PLXDC2: variants seen among roughly 807,000 people sequenced by gnomAD.
PLXDC2 encodes plexin domain containing 2.
PLXDC2 carries 40 observed loss-of-function variants against 68.9 expected under a neutral mutation model. The observed-to-expected ratio is 0.58, with a 90% CI of 0.45 to 0.76. The LOEUF is 0.76. Among genes scored for constraint, PLXDC2 ranks in the 30% least tolerant of loss-of-function variants. The pLI is 0.00. For synonymous variants in PLXDC2, 243 were observed against 234.2 expected (o/e 1.04, Z -0.34); for missense variants, 644 against 661.9 (o/e 0.97, Z 0.30).
At position 20,245,443 on chromosome 10, in the gene PLXDC2, A is replaced by G. The variant is rs993253269; in HGVS notation, c.1411A>G (p.Ile471Val). ...LILVLIVATA[I>V]LVTVYMYHHP... ...CCTGGTCCTCATTGTAGCCACAGCC[A>G]TTCTTGTGACAGTCTATATGTATCA... is the stretch of plus-strand genomic sequence containing the variant. Residue 471 changes from isoleucine to valine, a missense_variant, in exon 13 of 14, where the codon ATT becomes GTT. Around this residue, in one of 3 missense-constraint regions of PLXDC2, gnomAD observed 330 missense variants for 327.9 expected, o/e 1.01. Coordinates refer to ENST00000377252, the MANE Select transcript of PLXDC2 (RefSeq NM_032812.9). 2.5e-6 allele frequency: 4 copies of G among 1,613,702 alleles called. No homozygotes were observed. The highest frequency in any genetic ancestry group is 3.3e-5 in the Admixed American group (2 of 60,026).
intron 4 of PLXDC2, among the ~76,000 whole-genome samples, chr10:20,111,630 G>T (rs572047203): frequency 6.6e-6 from 1 of 152,304 alleles, no homozygotes; most frequent in South Asian, 2.1e-4. Context: ...TTGCAGGAAA[G>T]ACATGTTTAC....
intron 3 of PLXDC2, among the ~76,000 whole-genome samples, chr10:20,063,857 G>A (rs2131701969): frequency 6.6e-6 from 1 of 152,242 alleles, no homozygotes; most frequent in East Asian, 1.9e-4. Context: ...CTTTGACCAA[G>A]TCTTCAAAAA....
intron 4 of PLXDC2, among the ~76,000 whole-genome samples, chr10:20,095,788 G>A (rs1404763980): frequency 2.0e-5 from 3 of 152,102 alleles, no homozygotes; most frequent in Non-Finnish European, 4.4e-5. Context: ...AGTTTGGAGT[G>A]GATTGGAGAA....
rs573215014 is a variant in PLXDC2, at chr10:20,132,070, CT to C, written c.542-11221del. ...TGCATTTTTGTTTGTCTCAAGATAT[CT>C]TTTAAGATCACTATTGATTTCTTCT... On this transcript the variant is annotated intron_variant, in intron 4 of 13. Transcript: ENST00000377252. Among the ~76,000 whole-genome samples, 29 of 152,242 alleles carry C rather than the reference CT, an allele frequency of 1.9e-4. 1 individual carries two copies. In the East Asian group the frequency reaches 5.6e-3, roughly 29 times the overall value.
chr10:19,945,097 T>C (rs1363888628), intron 1 of PLXDC2, among the ~76,000 whole-genome samples: 4 of 152,280 alleles, frequency 2.6e-5, no homozygotes, highest in African/African-American at 9.6e-5. Flanking sequence ...ACAGTCTGTT[T>C]AAACATCCAG....
intron 1 of PLXDC2, among the ~76,000 whole-genome samples, chr10:19,933,802 G>A (rs1246322396): frequency 1.4e-5 from 2 of 143,946 alleles, no homozygotes; most frequent in Non-Finnish European, 3.0e-5. Flanking sequence ...GGGAGGGCAG[G>A]AGGGAGGGAA....
intron 9 of PLXDC2, among the ~76,000 whole-genome samples, chr10:20,208,593 A>C (rs562518033): frequency 8.8e-4 from 134 of 152,278 alleles, no homozygotes; most frequent in Admixed American, 1.7e-3. Flanking sequence ...GACTGGCAAA[A>C]GTAGTTTGAA....
intron 1 of PLXDC2, among the ~76,000 whole-genome samples, chr10:19,921,329 CAATT>C (rs1323357459): frequency 2.0e-5 from 3 of 152,102 alleles, no homozygotes; most frequent in African/African-American, 7.2e-5. Flanking sequence ...CAATAAGAGA[CAATT>C]AATCAAAAGC....
At chr10:19,841,564 G>T (rs1279770842) in intron 1 of PLXDC2, among the ~76,000 whole-genome samples, 6 of 127,958 alleles carry the variant, frequency 4.7e-5, no homozygotes, top group Admixed American at 8.1e-5. Flanking sequence ...TTTAAGTGTT[G>T]CCTATCTGTC....
chr10:19,822,922 C>CT (rs527402042), intron 1 of PLXDC2, among the ~76,000 whole-genome samples: 4,378 of 148,094 alleles, frequency 0.03, 89 homozygotes, highest in Middle Eastern at 0.063. Context: ...TGTTTACTTA[C>CT]TTTTTTTTTT....
At chr10:20,148,455 C>G (rs1435639929) in intron 6 of PLXDC2, among the ~76,000 whole-genome samples, 1 of 152,000 alleles carries the variant, frequency 6.6e-6, no homozygotes, top group Non-Finnish European at 1.5e-5. Flanking sequence ...ACAGAAAAAA[C>G]AAGGAAATTT....
intron 13 of PLXDC2, among the ~76,000 whole-genome samples, chr10:20,250,326 G>C (rs1294132650): frequency 1.3e-5 from 2 of 150,122 alleles, no homozygotes; most frequent in African/African-American, 2.5e-5. Flanking sequence ...ATATATCAGA[G>C]CTCATGCACC....
intron 1 of PLXDC2, among the ~76,000 whole-genome samples, chr10:19,899,072 A>G (rs1332286218): frequency 1.3e-5 from 2 of 152,208 alleles, no homozygotes; most frequent in African/African-American, 4.8e-5. Context: ...TGTAGAATTC[A>G]CTCAGGATTT....
chr10:20,229,747 T>G (rs976687322), intron 12 of PLXDC2, among the ~76,000 whole-genome samples: 1 of 152,216 alleles, frequency 6.6e-6, no homozygotes, highest in African/African-American at 2.4e-5. Flanking sequence ...TGTGCAAGAT[T>G]TTTAATGTAA....
rs926394398 is a variant in PLXDC2 at position 20,282,924 on chromosome 10, C to G, written c.*3105C>G. ...GTCCAATATTATATCCACTAGCCAA[C>G]GTGGCTTTTGAAATTAAAATTAATT... On this transcript the variant is annotated 3_prime_UTR_variant, in exon 14 of 14. Transcript: ENST00000377252. 3.3e-5 allele frequency: 5 copies of G among 152,146 alleles called. No individual in the cohort carries two copies. Among genetic ancestry groups the G allele is most frequent in the Admixed American group, 2.6e-4 (4 of 15,270 alleles). 9.4% of individuals were successfully genotyped at this position (152,146 alleles called of 1,614,324 possible).
At position 20,015,696 on chromosome 10, in the gene PLXDC2, C is replaced by G. The variant is rs2358657; in HGVS notation, c.324+13710C>G. On this transcript the variant is annotated intron_variant, in intron 2 of 13. Coordinates refer to ENST00000377252, the MANE Select transcript of PLXDC2 (RefSeq NM_032812.9). ...GACCAAGTATAATCGATTAAAAAAA[C>G]ACAGAGATCAGAAATTATGAAAAGA... Among the ~76,000 whole-genome samples, 3 of 151,870 alleles carry G rather than the reference C, an allele frequency of 2.0e-5. No homozygotes were observed. The East Asian group carries it at 5.8e-4, about 30-fold the overall frequency.
chr10:20,085,463 TCTG>T (rs749470764), intron 4 of PLXDC2, among the ~76,000 whole-genome samples: 8 of 152,206 alleles, frequency 5.3e-5, no homozygotes, highest in Non-Finnish European at 7.3e-5. Context: ...GGAAGGATGA[TCTG>T]CTACATGATA....
chr10:20,218,864 A>G (rs972796541), intron 11 of PLXDC2, among the ~76,000 whole-genome samples, 200 bp from the exon 12 acceptor site: 4 of 152,174 alleles, frequency 2.6e-5, no homozygotes, highest in African/African-American at 7.2e-5. Flanking sequence ...TCTTGACATT[A>G]CAATCTCTGT....
chr10:20,196,565 C>T (rs1270108758), intron 9 of PLXDC2, among the ~76,000 whole-genome samples: 2 of 152,096 alleles, frequency 1.3e-5, no homozygotes, highest in Non-Finnish European at 1.5e-5. Context: ...AAAAGAATCT[C>T]AAATAATAGC....
Sources: gnomAD v4.1 joint callset for allele counts (sites outside exome capture counted in the v4.1 genomes callset) on GRCh38, gnomAD v4.1.1 for gene constraint, gnomAD v4.1.1 regional missense constraint, MANE v1.5 for transcripts, NCBI Gene and HGNC (gene_info 2026-07-23, HGNC 2026-07-21) for gene names.